Variants in USP14 observed in about 807,000 individuals in gnomAD.
USP14 encodes ubiquitin specific peptidase 14.
Under a neutral mutation model 76.5 loss-of-function variants are expected in USP14, and 38 were observed. The ratio of observed to expected loss-of-function variants is 0.50; its 90% CI spans 0.38 to 0.65. The LOEUF (loss-of-function observed/expected upper bound fraction) is 0.65. Ranked by LOEUF, USP14 falls within the 30% of genes least tolerant of loss-of-function variation. The probability of loss-of-function intolerance (pLI) is 0.00; values close to 1 mark genes in which losing one functional copy is unlikely to be tolerated. For missense variants in USP14, 467 were observed against 586.5 expected (o/e 0.80, Z 2.10); for synonymous variants, 192 against 191.7 (o/e 1.00, Z -0.01).
chr18:202,713 T>G (rs1189555885), intron 10 of USP14, among the ~76,000 whole-genome samples, 167 bp from the exon 11 acceptor site: 1 of 152,186 alleles, frequency 6.6e-6, no homozygotes, highest in Non-Finnish European at 1.5e-5. Context: ...TCTAAAAGTC[T>G]TCCCATATTG....
Position 199,305 on chromosome 18 carries a change from G to T in USP14, c.865G>T (p.Gly289Ter). 1 of 1,609,966 alleles carries T rather than the reference G, an allele frequency of 6.2e-7. No homozygotes were observed. The highest frequency in any genetic ancestry group is 1.1e-5 in the South Asian group (1 of 90,866). ...TCAGGAAGTCAAGTATCTTTTTACA[G>T]GACTTAAATTGGTAAGGACAATCTC... Reference protein sequence around the residue: ...INQEVKYLFTGLKLRLQEEIT... With the variant: ...INQEVKYLFT The change falls in exon 10 of 16, where the codon GGA becomes TGA. Residue 289 changes from glycine (G) to a stop codon, truncating the protein, a stop_gained. Transcript: ENST00000261601. LOFTEE classifies it high-confidence loss of function.
In USP14 at chr18:158,683, C is replaced by CCCG. The variant is rs1292709932; in HGVS notation, c.-11_-9dup. On this transcript the variant is annotated 5_prime_UTR_variant, in exon 1 of 16. Transcript: ENST00000261601. ...GCCCAGCTCTCCTGCGCCGCCGCCT[C>CCCG]CCGCCGCGCCCCGCCATGCCGCTCT... The CCCG allele has an allele frequency of 1.3e-6, 2 of 1,525,200 alleles. No homozygotes were observed. 94.5% of individuals were successfully genotyped at this position (1,525,200 alleles called of 1,614,324 possible).
rs1477325907 is a variant in USP14 at position 174,307 on chromosome 18, C to T, written c.196-4626C>T. ...TTTTGAGACAGTCTTGCTCTGACGC[C>T]CAGGCTGGAGTGCAGTGGCGTGATC... On this transcript the variant is annotated intron_variant, in intron 3 of 15. Coordinates refer to ENST00000261601, the MANE Select transcript of USP14 (RefSeq NM_005151.4). 5.6e-4 allele frequency among the ~76,000 whole-genome samples: 85 copies of T among 150,886 alleles called. 1 individual carries two copies. The highest frequency in any genetic ancestry group is 7.4e-5 in the Non-Finnish European group (5 of 67,824).
Position 161,207 on chromosome 18 carries a change from C to T in USP14, c.17-2101C>T, listed in dbSNP as rs182970485. ...CCTTCCAAAGTGCTGGGATTACAGG[C>T]ATGAGCCACCATTCCCGGCCTCTTT... On this transcript the variant is annotated intron_variant, in intron 1 of 15. Transcript: ENST00000261601. Among the ~76,000 whole-genome samples, 185 of 152,318 alleles carry T rather than the reference C, an allele frequency of 1.2e-3. 1 individual carries two copies. The highest frequency in any genetic ancestry group is 4.4e-3 in the African/African-American group (181 of 41,578).
At chr18:192,707 A>G (rs565922949) in intron 5 of USP14, 135 bp from the exon 6 acceptor site, 3 of 670,708 alleles carry the variant, frequency 4.5e-6, no homozygotes, top group Admixed American at 6.2e-5. Flanking sequence ...AGAAGAGAAG[A>G]AAAGGAAAGG....
intron 3 of USP14, among the ~76,000 whole-genome samples, chr18:177,492 A>G (rs1308630369): frequency 6.6e-6 from 1 of 151,566 alleles, no homozygotes; most frequent in African/African-American, 2.4e-5. Context: ...CAATGATCTT[A>G]TAAAATGTCT....
intron 5 of USP14, among the ~76,000 whole-genome samples, chr18:185,836 G>A (rs2143030037): frequency 6.6e-6 from 1 of 151,140 alleles, no homozygotes; most frequent in Non-Finnish European, 1.5e-5. Context: ...TGGGACCTCA[G>A]GCATGCACCA....
chr18:183,606 T>C (rs1909845318), intron 5 of USP14, among the ~76,000 whole-genome samples: 1 of 152,126 alleles, frequency 6.6e-6, no homozygotes, highest in African/African-American at 2.4e-5. Context: ...CTGTCTTACA[T>C]TTTACTGATT....
chr18:195,431 C>G (rs1910204300), intron 6 of USP14, among the ~76,000 whole-genome samples: 1 of 152,086 alleles, frequency 6.6e-6, no homozygotes, highest in Non-Finnish European at 1.5e-5. Flanking sequence ...CATTTCACAT[C>G]TTGGGTATTA....
chr18:198,297 G>A (rs1382843452), intron 9 of USP14, among the ~76,000 whole-genome samples, 165 bp downstream of exon 9: 1 of 152,164 alleles, frequency 6.6e-6, no homozygotes. Context: ...GATTGCAATG[G>A]TGTGATCTTG....
rs1910277762 is a variant in USP14 at position 197,754 on chromosome 18, T to A, written c.675+58T>A. The A allele has an allele frequency of 3.7e-6, 5 of 1,350,664 alleles. No homozygotes were observed. In the East Asian group the frequency reaches 7.3e-5, roughly 20 times the overall value. 83.7% of individuals were successfully genotyped at this position (1,350,664 alleles called of 1,614,324 possible). On this transcript the variant is annotated intron_variant, in intron 8 of 15. Coordinates refer to ENST00000261601, the MANE Select transcript of USP14 (RefSeq NM_005151.4). Reference sequence around the variant, plus strand: ...CGTTATACCTTGATTTTTTTTTTTATTTTTTTTCCCCTCAAAGGCTTAAAA... The same window carrying A: ...CGTTATACCTTGATTTTTTTTTTTAATTTTTTTCCCCTCAAAGGCTTAAAA...
intron 5 of USP14, among the ~76,000 whole-genome samples, chr18:184,110 G>T (rs1909861429): frequency 6.6e-6 from 1 of 152,190 alleles, no homozygotes; most frequent in African/African-American, 2.4e-5. Flanking sequence ...GAAACCAAAA[G>T]AAGTATTTTT....
At chr18:166,840 G>A (rs758563474) in intron 3 of USP14, 21 bp downstream of exon 3, 8 of 1,604,180 alleles carry the variant, frequency 5.0e-6, no homozygotes, top group Middle Eastern at 1.7e-4. Flanking sequence ...TCTTATGAAC[G>A]TTTATTATAA....
intron 15 of USP14, 47 bp from the exon 16 acceptor site, chr18:211,086 A>G (rs1350201774): frequency 6.3e-7 from 1 of 1,581,066 alleles, no homozygotes; most frequent in Non-Finnish European, 8.6e-7. Context: ...GAACTCTGAG[A>G]CGAATCCTGC....
intron 2 of USP14, among the ~76,000 whole-genome samples, chr18:165,201 C>T (rs1909234710): frequency 6.6e-6 from 1 of 152,174 alleles, no homozygotes. Context: ...CTGCCTCGGG[C>T]CTCCCAAAGT....
At chr18:173,195 A>G (rs536290052) in intron 3 of USP14, among the ~76,000 whole-genome samples, 511 of 143,022 alleles carry the variant, frequency 3.6e-3, no homozygotes, top group Non-Finnish European at 5.0e-3. Context: ...TGCAAGCTCC[A>G]CCTCCTGGTT....
intron 5 of USP14, among the ~76,000 whole-genome samples, chr18:192,292 A>C (rs2143051044): frequency 6.6e-6 from 1 of 152,300 alleles, no homozygotes; most frequent in East Asian, 1.9e-4. Context: ...AGCTGGGTAC[A>C]GTGGCTCATG....
chr18:193,424 C>A (rs1255918901), intron 6 of USP14, among the ~76,000 whole-genome samples: 1 of 151,944 alleles, frequency 6.6e-6, no homozygotes, highest in South Asian at 2.1e-4. Flanking sequence ...TTTTTACTCT[C>A]TCTCTAACAG....
At chr18:207,928 T>C (rs1910572582) in intron 13 of USP14, among the ~76,000 whole-genome samples, 1 of 152,154 alleles carries the variant, frequency 6.6e-6, no homozygotes, top group Non-Finnish European at 1.5e-5. Context: ...TGTATATGGA[T>C]CTTAAATCCT....
Sources: gnomAD v4.1 joint callset for allele counts (sites outside exome capture counted in the v4.1 genomes callset) on GRCh38, gnomAD v4.1.1 for gene constraint, MANE v1.5 for transcripts, NCBI Gene and HGNC (gene_info 2026-07-23, HGNC 2026-07-21) for gene names.